Variants in ATP10B observed in about 807,000 individuals in gnomAD.
The protein encoded by ATP10B is ATPase phospholipid transporting 10B (putative), also known as phospholipid-transporting ATPase VB.
Under a neutral mutation model 141.2 loss-of-function variants are expected in ATP10B, and 122 were observed. That is an observed-to-expected ratio of 0.86 (90% CI 0.75 to 1.00). The LOEUF (loss-of-function observed/expected upper bound fraction) is 1.00. Ranked by LOEUF, ATP10B falls within the 50% of genes least tolerant of loss-of-function variation. The pLI is 0.00. For synonymous variants in ATP10B, 685 were observed against 692.0 expected (o/e 0.99, Z 0.16); for missense variants, 1,876 against 1,825.3 (o/e 1.03, Z -0.51).
At position 160,615,896 on chromosome 5, in the gene ATP10B, G is replaced by T. The variant is rs61734665; in HGVS notation, c.2595C>A (p.Asn865Lys). 32,437 of 1,613,870 alleles carry T rather than the reference G, an allele frequency of 0.02. 370 individuals are homozygous for T. Among genetic ancestry groups the T allele is most frequent in the Middle Eastern group, 0.039 (239 of 6,060 alleles). ...CAGTTTCCATGAGAAGCTCATCTCG[G>T]TTGTCGAGGGATGCCTCAGCCTCAC... ...FRREAEASLD[N>K]RDELLMETAQ... Residue 865 changes from asparagine to lysine, a missense_variant, in exon 17 of 26, where the codon AAC becomes AAA. By Grantham distance (94) the Asn-to-Lys change is moderately conservative (BLOSUM62 0). Transcript: ENST00000327245.
At chr5:160,803,724 C>A (rs189436580) in intron 1 of ATP10B, among the ~76,000 whole-genome samples, 1 of 152,096 alleles carries the variant, frequency 6.6e-6, no homozygotes, top group South Asian at 2.1e-4. Flanking sequence ...GGTCACATAG[C>A]TTGTACTTGG....
intron 2 of ATP10B, among the ~76,000 whole-genome samples, chr5:160,752,442 T>C (rs1453627464): frequency 1.3e-5 from 2 of 152,206 alleles, no homozygotes; most frequent in East Asian, 1.9e-4. Flanking sequence ...CTCAAAGATT[T>C]GCCTTTCAGG....
chr5:160,806,924 A>T (rs1019220520), intron 1 of ATP10B, among the ~76,000 whole-genome samples: 1 of 152,162 alleles, frequency 6.6e-6, no homozygotes, highest in Non-Finnish European at 1.5e-5. Flanking sequence ...TACTGTAGGG[A>T]AATTTCCTTC....
chr5:160,569,536 G>C lies in ATP10B; in HGVS notation c.3898C>G (p.Leu1300Val). The change falls in exon 25 of 26, where the codon CTC becomes GTC. Residue 1300 changes from leucine to valine, a missense_variant. Transcript: ENST00000327245. ...EGQLSNPTFY[L>V]VCFLTPVVAL... Reference sequence around the variant, plus strand: ...ACAACTGGTGTGAGAAAGCAGACGAGGTAGAAAGTGGGGTTTGAGAGCTGG... The same window carrying C: ...ACAACTGGTGTGAGAAAGCAGACGACGTAGAAAGTGGGGTTTGAGAGCTGG... 6.2e-7 allele frequency: 1 copy of C among 1,613,934 alleles called. No homozygotes were observed. Among genetic ancestry groups the C allele is most frequent in the Non-Finnish European group, 8.5e-7 (1 of 1,179,866 alleles).
chr5:160,575,565 A>T (rs1289841844), intron 24 of ATP10B, among the ~76,000 whole-genome samples: 1 of 152,152 alleles, frequency 6.6e-6, no homozygotes. Flanking sequence ...CAATTTCCAT[A>T]TCTGTAATTA....
intron 8 of ATP10B, among the ~76,000 whole-genome samples, chr5:160,645,868 C>T (rs967409337): frequency 1.3e-5 from 2 of 152,090 alleles, no homozygotes; most frequent in Admixed American, 6.5e-5. Flanking sequence ...ATTATCATAC[C>T]CACTTTACAG....
rs531198402 is a variant in ATP10B at position 160,767,635 on chromosome 5, A to ACCCC, written c.-331+17920_-331+17923dup. Among the ~76,000 whole-genome samples the ACCCC allele has an allele frequency of 1.1e-3, 94 of 86,692 alleles. 2 individuals carry two copies. The highest frequency in any genetic ancestry group is 0.014 in the Middle Eastern group (2 of 140). The allele number at this position is 86,692 out of a possible 152,430, so 56.9% of individuals were successfully genotyped here. The stretch of plus-strand genomic sequence containing the variant: ...ATGGTGTGAGGGTCATGTGTGCAGA[A>ACCCC]CCCCCCCCCCCAAAATAACAGGTTA... On this transcript the variant is annotated intron_variant, in intron 2 of 25. Coordinates refer to ENST00000327245, the MANE Select transcript of ATP10B (RefSeq NM_025153.3).
At chr5:160,699,715 G>A (rs1472153180) in intron 3 of ATP10B, among the ~76,000 whole-genome samples, 7 of 152,094 alleles carry the variant, frequency 4.6e-5, no homozygotes, top group Admixed American at 1.3e-4. Context: ...AGCATTTGGG[G>A]TAAAAGGCAA....
chr5:160,601,254 G>C (rs547550947), intron 21 of ATP10B, among the ~76,000 whole-genome samples: 1 of 152,264 alleles, frequency 6.6e-6, no homozygotes, highest in Admixed American at 6.5e-5. Flanking sequence ...AGTCATTCCT[G>C]AGCAAAGGTG....
chr5:160,732,171 G>C (rs1399570389), intron 2 of ATP10B, among the ~76,000 whole-genome samples: 1 of 152,144 alleles, frequency 6.6e-6, no homozygotes, highest in Non-Finnish European at 1.5e-5. Context: ...ATATCAGCGA[G>C]ATGGGGAAAA....
intron 7 of ATP10B, among the ~76,000 whole-genome samples, chr5:160,650,157 T>C (rs1238802783): frequency 0.013 from 1,873 of 148,478 alleles, 56 homozygotes; most frequent in African/African-American, 0.046. Context: ...CATACATATA[T>C]ATACATATAT....
chr5:160,663,578 G>A (rs1269355444), intron 7 of ATP10B, among the ~76,000 whole-genome samples: 3 of 152,094 alleles, frequency 2.0e-5, no homozygotes, highest in South Asian at 2.1e-4. Context: ...TCATAGATGG[G>A]AATTGAACAT....
chr5:160,876,968 T>A, the ATP10B span, among the ~76,000 whole-genome samples: 1 of 147,458 alleles, frequency 6.8e-6, no homozygotes, highest in Non-Finnish European at 1.5e-5. Flanking sequence ...AAGGAAGAAC[T>A]GGTACCATTC....
chr5:160,849,268 T>C (rs1753645930), intron 1 of ATP10B, among the ~76,000 whole-genome samples: 1 of 152,178 alleles, frequency 6.6e-6, no homozygotes, highest in African/African-American at 2.4e-5. Context: ...TATTCTTGTG[T>C]TCCTGTGTCA....
At chr5:160,788,339 T>A (rs1288554370) in intron 1 of ATP10B, among the ~76,000 whole-genome samples, 1 of 152,200 alleles carries the variant, frequency 6.6e-6, no homozygotes, top group Admixed American at 6.5e-5. Context: ...ACTACATGGT[T>A]AAACCTAAAA....
At chr5:160,652,969 ATAT>A (rs1760980802) in intron 7 of ATP10B, among the ~76,000 whole-genome samples, 1 of 88,428 alleles carries the variant, frequency 1.1e-5, no homozygotes, top group Admixed American at 1.7e-4. Context: ...ATACATGTAT[ATAT>A]AATATATACA....
At chr5:160,704,055 T>C (rs1457333900) in intron 3 of ATP10B, among the ~76,000 whole-genome samples, 1 of 152,122 alleles carries the variant, frequency 6.6e-6, no homozygotes, top group Non-Finnish European at 1.5e-5. Flanking sequence ...TGATCACAGC[T>C]CACTGCAGTC....
At chr5:160,681,058 T>G (rs1409105519) in intron 6 of ATP10B, among the ~76,000 whole-genome samples, 1 of 152,204 alleles carries the variant, frequency 6.6e-6, no homozygotes, top group Non-Finnish European at 1.5e-5. Flanking sequence ...GGACGCTGAT[T>G]GAACCATGCT....
At chr5:160,834,298 C>T (rs910945017) in intron 1 of ATP10B, among the ~76,000 whole-genome samples, 1 of 152,008 alleles carries the variant, frequency 6.6e-6, no homozygotes, top group African/African-American at 2.4e-5. Context: ...GCACTCCAGC[C>T]TGGGAGACAT....
Sources: allele counts gnomAD v4.1 joint callset (sites outside exome capture counted in the v4.1 genomes callset), GRCh38; gene constraint gnomAD v4.1.1; transcripts MANE v1.5; gene names NCBI Gene and HGNC (gene_info 2026-07-23, HGNC 2026-07-21).